Variants in CLASP1 observed in about 807,000 individuals in gnomAD.
CLASP1 encodes cytoplasmic linker associated protein 1, also known as CLIP-associating protein 1.
In CLASP1, 38 loss-of-function variants were observed where a neutral mutation model predicts 192.3. The observed-to-expected ratio is 0.20, with a 90% CI of 0.15 to 0.26. CLASP1 has a LOEUF of 0.26. Among genes scored for constraint, CLASP1 ranks in the 10% least tolerant of loss-of-function variants. CLASP1 has a pLI of 1.00. For synonymous variants in CLASP1, 691 were observed against 712.8 expected, an observed-to-expected ratio of 0.97 and a Z score of 0.49; for missense variants, 1,433 against 1,932.5, an observed-to-expected ratio of 0.74 and a Z score of 4.85.
At chr2:121,603,221 A>T (rs1032711788) in intron 2 of CLASP1, 3 of 151,842 alleles carry the variant, frequency 2.0e-5, no homozygotes, top group African/African-American at 7.3e-5. Context: ...CAGAAAAAAA[A>T]AATTATATAT....
chr2:121,544,907 CTTTTT>C (rs3078562), intron 2 of CLASP1, among the ~76,000 whole-genome samples: 9 of 122,886 alleles, frequency 7.3e-5, no homozygotes, highest in Admixed American at 6.6e-4. Context: ...CTTTTCTTTT[CTTTTT>C]TTTTTTTTTT....
At chr2:121,492,451 C>G (rs1312679930) in intron 8 of CLASP1, among the ~76,000 whole-genome samples, 1 of 115,866 alleles carries the variant, frequency 8.6e-6, no homozygotes, top group Non-Finnish European at 1.9e-5. Flanking sequence ...AAAAAATTTA[C>G]AAATCGTATC....
At chr2:121,500,013 A>C (rs535025526) in intron 8 of CLASP1, among the ~76,000 whole-genome samples, 1 of 152,168 alleles carries the variant, frequency 6.6e-6, no homozygotes, top group Non-Finnish European at 1.5e-5. Context: ...AAAGAAATTA[A>C]AAGCATACGT....
At chr2:121,458,783 A>G in intron 13 of CLASP1, 57 bp downstream of exon 13, 1 of 1,330,018 alleles carries the variant, frequency 7.5e-7, no homozygotes, top group South Asian at 1.9e-5. Flanking sequence ...TCTAATATTT[A>G]TCAACCATCA....
At chr2:121,425,042 T>C (rs1227313959) in intron 22 of CLASP1, 97 bp downstream of exon 22, 9 of 1,248,510 alleles carry the variant, frequency 7.2e-6, no homozygotes, top group African/African-American at 4.6e-5. Context: ...GTTCAAAAAA[T>C]AGATCTATAT....
intron 2 of CLASP1, among the ~76,000 whole-genome samples, chr2:121,565,086 A>G (rs2059391019): frequency 6.6e-6 from 1 of 152,202 alleles, no homozygotes; most frequent in South Asian, 2.1e-4. Context: ...AAGTTCACAT[A>G]TTTGCCTCCC....
intron 19 of CLASP1, among the ~76,000 whole-genome samples, chr2:121,440,302 T>C (rs1014744469): frequency 2.0e-5 from 3 of 152,196 alleles, no homozygotes; most frequent in Non-Finnish European, 4.4e-5. Context: ...TTTTGTTTTG[T>C]TTTCAGTCTA....
intron 2 of CLASP1, among the ~76,000 whole-genome samples, chr2:121,569,755 C>A (rs1401867968): frequency 6.6e-6 from 1 of 152,020 alleles, no homozygotes; most frequent in Non-Finnish European, 1.5e-5. Flanking sequence ...GCAGGAGAAT[C>A]GCTTGAACCC....
At chr2:121,537,687 G>A (rs2095127145) in intron 2 of CLASP1, among the ~76,000 whole-genome samples, 1 of 152,162 alleles carries the variant, frequency 6.6e-6, no homozygotes, top group Non-Finnish European at 1.5e-5. Context: ...TTTCTAGAAA[G>A]TGAAATAATT....
chr2:121,428,441 G>C (rs1282555190), intron 20 of CLASP1, among the ~76,000 whole-genome samples: 1 of 152,120 alleles, frequency 6.6e-6, no homozygotes, highest in Admixed American at 6.5e-5. Flanking sequence ...TAGATTCTGA[G>C]ATTTGAACAC....
intron 1 of CLASP1, among the ~76,000 whole-genome samples, chr2:121,644,543 T>A (rs1442288227): frequency 1.3e-5 from 2 of 152,042 alleles, no homozygotes; most frequent in African/African-American, 4.8e-5. Flanking sequence ...AGTCCCAAGC[T>A]ACTCAGGAGG....
intron 2 of CLASP1, among the ~76,000 whole-genome samples, chr2:121,597,051 G>A (rs569557989): frequency 2.6e-5 from 4 of 152,118 alleles, no homozygotes; most frequent in Non-Finnish European, 4.4e-5. Flanking sequence ...ACACTGGGCC[G>A]GGACCGTACC....
chr2:121,481,578 T>C (rs566031237), intron 8 of CLASP1, among the ~76,000 whole-genome samples: 1 of 152,362 alleles, frequency 6.6e-6, no homozygotes, highest in South Asian at 2.1e-4. Flanking sequence ...ATCAATGTTT[T>C]AAACTCTCTC....
intron 32 of CLASP1, among the ~76,000 whole-genome samples, chr2:121,383,550 C>T (rs2072296243): frequency 6.6e-6 from 1 of 152,056 alleles, no homozygotes. Context: ...TTGATTCTAT[C>T]CATACTCTGG....
At chr2:121,479,935 C>A (rs2150071367) in intron 8 of CLASP1, among the ~76,000 whole-genome samples, 1 of 152,306 alleles carries the variant, frequency 6.6e-6, no homozygotes, top group South Asian at 2.1e-4. Flanking sequence ...AATAGAAGCT[C>A]TGAGGGTGCT....
At chr2:121,607,197 G>A (rs1300911902) in intron 1 of CLASP1, among the ~76,000 whole-genome samples, 1 of 152,074 alleles carries the variant, frequency 6.6e-6, no homozygotes, top group African/African-American at 2.4e-5. Flanking sequence ...AAACTAGCCA[G>A]GTGTGGTGGT....
chr2:121,583,135 C>T (rs1340931372), intron 2 of CLASP1, among the ~76,000 whole-genome samples: 2 of 152,188 alleles, frequency 1.3e-5, no homozygotes, highest in African/African-American at 4.8e-5. Flanking sequence ...TGCCCAGTTA[C>T]TATAAGGGAC....
chr2:121,645,880 G>A (rs986626798), intron 1 of CLASP1, among the ~76,000 whole-genome samples: 4 of 152,192 alleles, frequency 2.6e-5, no homozygotes, highest in East Asian at 1.9e-4. Context: ...GCATAAAGCC[G>A]GCAGAAAAGC....
At chr2:121,376,658 C>A (rs1050015331) in intron 34 of CLASP1, among the ~76,000 whole-genome samples, 2 of 152,148 alleles carry the variant, frequency 1.3e-5, no homozygotes, top group Non-Finnish European at 2.9e-5. Context: ...TGGTCTGTGG[C>A]CTGTTAGGAA....
Sources: gnomAD v4.1 joint callset for allele counts (sites outside exome capture counted in the v4.1 genomes callset) on GRCh38, gnomAD v4.1.1 for gene constraint, MANE v1.5 for transcripts, NCBI Gene and HGNC (gene_info 2026-07-23, HGNC 2026-07-21) for gene names.